REEP1: variants seen among roughly 807,000 people sequenced by gnomAD.
REEP1 encodes the protein receptor accessory protein 1.
A neutral mutation model predicts 40.3 loss-of-function variants in REEP1; 22 were observed. The ratio of observed to expected loss-of-function variants is 0.55; its 90% confidence interval spans 0.39 to 0.78. The LOEUF is 0.78. REEP1 is among the 30% of genes least tolerant of loss of function. REEP1 has a pLI of 0.00. For synonymous variants in REEP1, 116 were observed against 139.2 expected, an observed-to-expected ratio of 0.83 and a Z score of 1.17; for missense variants, 280 against 361.1, an observed-to-expected ratio of 0.78 and a Z score of 1.82.
chr2:86,335,341 G>C (rs1013383550), intron 1 of REEP1, among the ~76,000 whole-genome samples: 12 of 151,894 alleles, frequency 7.9e-5, no homozygotes, highest in African/African-American at 2.9e-4. Context: ...TTAGGGACTG[G>C]GGGATAAGTG....
intron 1 of REEP1, among the ~76,000 whole-genome samples, chr2:86,334,296 C>T (rs1680908152): frequency 6.6e-6 from 1 of 152,158 alleles, no homozygotes; most frequent in Non-Finnish European, 1.5e-5. Flanking sequence ...GAAGACACTC[C>T]CTCTCTATCC....
At chr2:86,282,137 C>A (rs755289001) in intron 2 of REEP1, 33 bp downstream of exon 2, 25 of 1,501,780 alleles carry the variant, frequency 1.7e-5, no homozygotes, top group Non-Finnish European at 2.2e-5. Flanking sequence ...CTGACTCCAG[C>A]CAACCCGCTC....
chr2:86,316,827 C>G (rs1295211488), intron 1 of REEP1, among the ~76,000 whole-genome samples: 1 of 152,092 alleles, frequency 6.6e-6, no homozygotes, highest in Non-Finnish European at 1.5e-5. Context: ...CCATCGCACT[C>G]CAGCCTGGGG....
At chr2:86,318,369 T>C (rs541950578) in intron 1 of REEP1, among the ~76,000 whole-genome samples, 21 of 151,262 alleles carry the variant, frequency 1.4e-4, no homozygotes, top group African/African-American at 4.9e-4. Flanking sequence ...GCTTTTTTTC[T>C]GGAAAAAGTA....
chr2:86,292,058 C>G (rs1472961994), intron 1 of REEP1, among the ~76,000 whole-genome samples: 1 of 152,176 alleles, frequency 6.6e-6, no homozygotes, highest in Non-Finnish European at 1.5e-5. Context: ...AGCAACCCAG[C>G]TTTATTGTGT....
intron 8 of REEP1, among the ~76,000 whole-genome samples, chr2:86,217,812 G>A (rs898353476): frequency 1.3e-5 from 2 of 151,748 alleles, no homozygotes; most frequent in Admixed American, 6.6e-5. Context: ...CAGATTTTTC[G>A]ATTAGGGATG....
intron 5 of REEP1, among the ~76,000 whole-genome samples, chr2:86,248,634 G>C (rs1676098677): frequency 6.6e-6 from 1 of 151,882 alleles, no homozygotes; most frequent in South Asian, 2.1e-4. Flanking sequence ...ATTTTTTGTA[G>C]AGACAGGGTC....
chr2:86,257,604 C>T (rs1676632751), intron 3 of REEP1, among the ~76,000 whole-genome samples: 1 of 151,408 alleles, frequency 6.6e-6, no homozygotes, highest in African/African-American at 2.4e-5. Flanking sequence ...GGGACTATCT[C>T]ATACCACCAC....
intron 6 of REEP1, among the ~76,000 whole-genome samples, chr2:86,228,574 T>C (rs921805697): frequency 1.3e-5 from 2 of 151,876 alleles, no homozygotes; most frequent in African/African-American, 4.8e-5. Context: ...TTCTCCAGCC[T>C]CAGCCTCCCG....
intron 1 of REEP1, among the ~76,000 whole-genome samples, chr2:86,317,693 A>G (rs1680081226): frequency 2.0e-5 from 3 of 152,234 alleles, no homozygotes; most frequent in African/African-American, 7.2e-5. Flanking sequence ...TAAGAATGTC[A>G]TAGATGATAT....
chr2:86,337,377 T>A lies in REEP1; in HGVS notation c.32+102A>T, dbSNP rs1189768490. On this transcript the variant is annotated intron_variant, in intron 1 of 8. Transcript: ENST00000538924. This position sits in a 1 kb window ranked among gnomAD's most constrained non-coding sequence, Gnocchi z 5.8. Reference sequence around the variant, plus strand: ...TAAATTTAGCTGCGCCGGGTATTAATAGCCCGAGCCACTGGGACCGGGCGC... The same window carrying A: ...TAAATTTAGCTGCGCCGGGTATTAAAAGCCCGAGCCACTGGGACCGGGCGC... 33 of 738,524 alleles carry A rather than the reference T, an allele frequency of 4.5e-5. No individual in the cohort carries two copies. The highest frequency in any genetic ancestry group is 5.4e-5 in the Non-Finnish European group (30 of 552,126). 45.7% of individuals were successfully genotyped at this position (738,524 alleles called of 1,614,324 possible). A position where few individuals can be genotyped will look rare whatever the true frequency, so the allele number is the denominator to read the frequency against.
intron 1 of REEP1, among the ~76,000 whole-genome samples, chr2:86,327,225 G>C (rs1031327076): frequency 6.6e-6 from 1 of 151,948 alleles, no homozygotes; most frequent in Non-Finnish European, 1.5e-5. Flanking sequence ...CCTCCCCCAG[G>C]ATATGCTGTT....
chr2:86,301,289 A>G (rs1679247016), intron 1 of REEP1, among the ~76,000 whole-genome samples: 1 of 152,230 alleles, frequency 6.6e-6, no homozygotes, highest in Non-Finnish European at 1.5e-5. Flanking sequence ...AGGAGCAGAT[A>G]ATGGCAGCCA....
At chr2:86,235,802 G>A (rs1675290714) in intron 5 of REEP1, among the ~76,000 whole-genome samples, 1 of 152,204 alleles carries the variant, frequency 6.6e-6, no homozygotes, top group South Asian at 2.1e-4. Context: ...GGAAAGAGAG[G>A]GAGATAATAA....
intron 6 of REEP1, among the ~76,000 whole-genome samples, chr2:86,232,153 C>T (rs1675053960): frequency 6.6e-6 from 1 of 152,108 alleles, no homozygotes; most frequent in South Asian, 2.1e-4. Context: ...AAGGAGACAG[C>T]AGAGTGAGAG....
chr2:86,237,999 T>C (rs979209337), intron 5 of REEP1, among the ~76,000 whole-genome samples: 2 of 152,076 alleles, frequency 1.3e-5, no homozygotes, highest in Non-Finnish European at 2.9e-5. Flanking sequence ...CTGTCCAACA[T>C]GGAGAAACTC....
chr2:86,294,648 T>C (rs1275006642), intron 1 of REEP1, among the ~76,000 whole-genome samples: 3 of 152,146 alleles, frequency 2.0e-5, no homozygotes, highest in Non-Finnish European at 4.4e-5. Context: ...GTTCTGGTTG[T>C]AGAGGAAAAA....
intron 1 of REEP1, among the ~76,000 whole-genome samples, chr2:86,286,745 A>C (rs1196605916): frequency 6.6e-6 from 1 of 152,184 alleles, no homozygotes; most frequent in Non-Finnish European, 1.5e-5. Context: ...GCATAACTAC[A>C]AGCTGTGGCA....
intron 7 of REEP1, among the ~76,000 whole-genome samples, chr2:86,220,950 T>C (rs555704756): frequency 1.6e-4 from 24 of 152,342 alleles, no homozygotes; most frequent in Admixed American, 4.6e-4. Context: ...ATGTAAAATA[T>C]CTTCTGCCCC....
Sources: allele counts gnomAD v4.1 joint callset (sites outside exome capture counted in the v4.1 genomes callset), GRCh38; gene constraint gnomAD v4.1.1; non-coding constraint Gnocchi (gnomAD v3.1); transcripts MANE v1.5; gene names NCBI Gene and HGNC (gene_info 2026-07-23, HGNC 2026-07-21).